The following RYR2 variants were observed in gnomAD, a reference collection of about 807,000 sequenced individuals.
The protein encoded by RYR2 is ryanodine receptor 2.
RYR2 carries 227 observed loss-of-function variants against 601.1 expected under a neutral mutation model. The observed-to-expected ratio is 0.38, with a 90% confidence interval of 0.34 to 0.42. RYR2 has a LOEUF of 0.42. Ranked by LOEUF, RYR2 falls within the 10% of genes least tolerant of loss-of-function variation. The pLI is 1.00. For missense variants in RYR2, 4,646 were observed against 6,156.5 expected, an observed-to-expected ratio of 0.75 and a Z score of 8.21; for synonymous variants, 2,223 against 2,175.1, an observed-to-expected ratio of 1.02 and a Z score of -0.61.
intron 63 of RYR2, among the ~76,000 whole-genome samples, chr1:237,690,950 CAGAG>C (rs988139832): frequency 1.3e-5 from 2 of 152,188 alleles, no homozygotes; most frequent in African/African-American, 2.4e-5. Context: ...TTTTTCCAAA[CAGAG>C]AGACCCAGTA....
intron 79 of RYR2, among the ~76,000 whole-genome samples, chr1:237,737,651 A>T (rs903639917): frequency 1.3e-5 from 2 of 152,222 alleles, no homozygotes; most frequent in Non-Finnish European, 2.9e-5. Flanking sequence ...ATTCTGTCAT[A>T]CACTGTTATC....
At chr1:237,232,683 G>C (rs573717136) in intron 1 of RYR2, among the ~76,000 whole-genome samples, 1 of 152,164 alleles carries the variant, frequency 6.6e-6, no homozygotes, top group African/African-American at 2.4e-5. Context: ...CTGGTTACCA[G>C]TGAGAAGTAG....
At chr1:237,489,675 A>G (rs1260823721) in intron 17 of RYR2, among the ~76,000 whole-genome samples, 2 of 152,170 alleles carry the variant, frequency 1.3e-5, no homozygotes, top group Non-Finnish European at 2.9e-5. Context: ...AAAAAGGCTT[A>G]TATTGTTGGT....
chr1:237,673,918 G>A (rs1011593734), intron 58 of RYR2, among the ~76,000 whole-genome samples, 178 bp from the exon 59 acceptor site: 2 of 152,176 alleles, frequency 1.3e-5, no homozygotes, highest in African/African-American at 4.8e-5. Context: ...CTTTCTGTGA[G>A]TAGTTTTTCT....
chr1:237,194,525 C>T (rs1008663399), intron 1 of RYR2, among the ~76,000 whole-genome samples: 21 of 152,042 alleles, frequency 1.4e-4, no homozygotes, highest in African/African-American at 4.1e-4. Context: ...AGGAAGGGAT[C>T]GGGAGGGCCC....
In RYR2 at chr1:237,680,668, G is replaced by A. The variant is rs12046237; in HGVS notation, c.9017+91G>A. The stretch of plus-strand genomic sequence containing the variant: ...TGAGGACCTTGAAGTGGGGCTGTAC[G>A]GAGAGTATCTGCCCATTTCCCTGGT... On this transcript the variant is annotated intron_variant, in intron 62 of 104. Transcript: ENST00000366574. 7.2e-3 allele frequency: 6,365 copies of A among 885,942 alleles called. 190 individuals are homozygous for A. The highest frequency in any genetic ancestry group is 0.072 in the East Asian group (2,636 of 36,698). 54.9% of individuals were successfully genotyped at this position (885,942 alleles called of 1,614,324 possible).
chr1:237,609,771 A>G (rs1677616978), intron 35 of RYR2, among the ~76,000 whole-genome samples: 1 of 151,984 alleles, frequency 6.6e-6, no homozygotes, highest in Non-Finnish European at 1.5e-5. Flanking sequence ...CTGTCCCCCA[A>G]ACCCCCAGGC....
intron 10 of RYR2, among the ~76,000 whole-genome samples, chr1:237,390,571 G>T (rs946992134): frequency 6.6e-6 from 1 of 151,118 alleles, no homozygotes; most frequent in Non-Finnish European, 1.5e-5. Context: ...AGCCAGATAT[G>T]ATTGAAAAGT....
Position 237,042,404 on chromosome 1 carries a change from G to A in RYR2, c.-118G>A, listed in dbSNP as rs1660013674. On this transcript the variant is annotated 5_prime_UTR_variant, in exon 1 of 105. Transcript: ENST00000366574. ...CGCCCGGCGCTCGGCACCCGGCAGC[G>A]CGGCCCCCTCCAGCCCCCGGCTCCC... is the stretch of plus-strand genomic sequence containing the variant. 5 of 1,007,764 alleles carry A rather than the reference G, an allele frequency of 5.0e-6. No homozygotes were observed. Among genetic ancestry groups the A allele is most frequent in the Non-Finnish European group, 3.8e-6 (3 of 793,878 alleles). The allele number at this position is 1,007,764 out of a possible 1,614,324, so 62.4% of individuals were successfully genotyped here.
chr1:237,363,599 T>G (rs1387985044), intron 4 of RYR2, among the ~76,000 whole-genome samples: 1 of 152,116 alleles, frequency 6.6e-6, no homozygotes, highest in African/African-American at 2.4e-5. Context: ...TATATCATTG[T>G]TTTCTTTTTC....
intron 1 of RYR2, among the ~76,000 whole-genome samples, chr1:237,139,123 C>A (rs1673114532): frequency 6.6e-6 from 1 of 152,188 alleles, no homozygotes; most frequent in African/African-American, 2.4e-5. Context: ...GTGAAAACAA[C>A]TCAAATGTCC....
chr1:237,795,514 C>T (rs1373152770), intron 96 of RYR2, among the ~76,000 whole-genome samples, 183 bp downstream of exon 96: 1 of 151,538 alleles, frequency 6.6e-6, no homozygotes, highest in Non-Finnish European at 1.5e-5. Flanking sequence ...TGCAGTAGCG[C>T]GATCTCAGCT....
intron 1 of RYR2, among the ~76,000 whole-genome samples, chr1:237,207,778 A>T (rs1474489231): frequency 6.6e-6 from 1 of 152,242 alleles, no homozygotes; most frequent in Non-Finnish European, 1.5e-5. Context: ...AACAATTTTC[A>T]TCCTTTTCAG....
intron 51 of RYR2, among the ~76,000 whole-genome samples, chr1:237,652,135 A>G (rs1682822601): frequency 6.6e-6 from 1 of 152,342 alleles, no homozygotes; most frequent in Non-Finnish European, 1.5e-5. Flanking sequence ...AGAAACCTCG[A>G]GAGATAAAGA....
intron 16 of RYR2, among the ~76,000 whole-genome samples, chr1:237,465,506 C>T (rs969205769): frequency 6.6e-6 from 1 of 152,136 alleles, no homozygotes; most frequent in African/African-American, 2.4e-5. Flanking sequence ...TCATGTGTCA[C>T]TTACTCATGG....
chr1:237,044,305 G>A (rs1367757363), intron 1 of RYR2, among the ~76,000 whole-genome samples: 3 of 152,094 alleles, frequency 2.0e-5, no homozygotes, highest in African/African-American at 7.2e-5. Context: ...ATCAAACTCT[G>A]TGGGGTTAAA....
chr1:237,204,272 G>T lies in RYR2; in HGVS notation c.49-66225G>T, dbSNP rs180860109. 2.6e-5 allele frequency among the ~76,000 whole-genome samples: 4 copies of T among 152,116 alleles called. No homozygotes were observed. In the East Asian group the frequency reaches 7.7e-4, roughly 29 times the overall value. The stretch of plus-strand genomic sequence containing the variant: ...GATCCACCCGCCTTGGCTTCCCAAA[G>T]TGCTGGGATTACAGGCGTGAGCCAC... On this transcript the variant is annotated intron_variant, in intron 1 of 104. Transcript: ENST00000366574.
rs143372539 is a variant in RYR2 at position 237,152,204 on chromosome 1, A to G, written c.48+109635A>G. Among the ~76,000 whole-genome samples, 923 of 152,280 alleles carry G rather than the reference A, an allele frequency of 6.1e-3. 7 individuals are homozygous for G. The highest frequency in any genetic ancestry group is 0.031 in the South Asian group (151 of 4,832). ...TGATTTCATTCCTTTTTATGGCTGC[A>G]TAGTATTCCATGGTGTATATGTGCC... On this transcript the variant is annotated intron_variant, in intron 1 of 104. Coordinates refer to ENST00000366574, the MANE Select transcript of RYR2 (RefSeq NM_001035.3).
intron 29 of RYR2, 148 bp from the exon 30 acceptor site, chr1:237,589,645 T>C (rs558945932): frequency 1.1e-5 from 7 of 658,176 alleles, no homozygotes; most frequent in Non-Finnish European, 1.8e-5. Flanking sequence ...TAATATTTAA[T>C]GTCATTGTTC....
Sources: gnomAD v4.1 joint callset for allele counts (sites outside exome capture counted in the v4.1 genomes callset) on GRCh38, gnomAD v4.1.1 for gene constraint, MANE v1.5 for transcripts, NCBI Gene and HGNC (gene_info 2026-07-23, HGNC 2026-07-21) for gene names.